The following PCDHA4 variants were observed in gnomAD, a reference collection of about 807,000 sequenced individuals.
PCDHA4 encodes protocadherin alpha-4.
A neutral mutation model predicts 61.4 loss-of-function variants in PCDHA4; 49 were observed. The observed-to-expected ratio is 0.80, with a 90% confidence interval of 0.63 to 1.01. The LOEUF is 1.01. PCDHA4 is among the 50% of genes least tolerant of loss of function. The pLI, the probability that PCDHA4 is intolerant of heterozygous loss-of-function variation, is 0.00. For missense variants in PCDHA4, 1,254 were observed against 1,235.8 expected, an observed-to-expected ratio of 1.01 and a Z score of -0.22; for synonymous variants, 590 against 550.3, an observed-to-expected ratio of 1.07 and a Z score of -1.01.
intron 3 of PCDHA4, among the ~76,000 whole-genome samples, chr5:141,000,351 GTCTC>G (rs1554257240): frequency 3.0e-5 from 2 of 66,862 alleles, no homozygotes. Flanking sequence ...CTCTCTCTCT[GTCTC>G]TCTCTGTCTC....
At chr5:140,857,833 A>C (rs1554150723) in intron 1 of PCDHA4, 1 of 1,597,676 alleles carries the variant, frequency 6.3e-7, no homozygotes. Context: ...AGGTGCGCGC[A>C]GTGGACGCTG....
chr5:140,983,113 A>G (rs2097027812), intron 3 of PCDHA4, among the ~76,000 whole-genome samples: 2 of 152,254 alleles, frequency 1.3e-5, no homozygotes, highest in Admixed American at 6.5e-5. Context: ...CTGCACATCA[A>G]CAACATTCTG....
chr5:140,911,729 C>T (rs571299791), intron 1 of PCDHA4, among the ~76,000 whole-genome samples: 16 of 152,252 alleles, frequency 1.1e-4, no homozygotes, highest in South Asian at 4.2e-4. Flanking sequence ...GTAAACAGTT[C>T]GTGCCAAGGA....
At chr5:140,883,121 G>C in intron 1 of PCDHA4, 12 of 1,614,070 alleles carry the variant, frequency 7.4e-6, no homozygotes, top group Non-Finnish European at 1.0e-5. Context: ...TAGAAGGCCT[G>C]TATGGCCTGC....
At chr5:140,858,485 T>G (rs2045446148) in intron 1 of PCDHA4, 1 of 1,503,010 alleles carries the variant, frequency 6.7e-7, no homozygotes, top group Non-Finnish European at 9.1e-7. Flanking sequence ...GAATAATATT[T>G]TCTCTTACCG....
intron 1 of PCDHA4, among the ~76,000 whole-genome samples, chr5:140,846,281 T>G (rs1780295705): frequency 6.7e-6 from 1 of 149,458 alleles, no homozygotes; most frequent in Non-Finnish European, 1.5e-5. Context: ...CAATTTATGT[T>G]GTAGTTCTAT....
chr5:140,891,345 G>T (rs2063056241), intron 1 of PCDHA4, among the ~76,000 whole-genome samples: 1 of 151,958 alleles, frequency 6.6e-6, no homozygotes, highest in Admixed American at 6.6e-5. Context: ...AGATTTTGGT[G>T]CATCCATCAC....
At chr5:140,947,854 A>G (rs2094183959) in intron 1 of PCDHA4, among the ~76,000 whole-genome samples, 1 of 151,504 alleles carries the variant, frequency 6.6e-6, no homozygotes, top group Non-Finnish European at 1.5e-5. Context: ...TTATTTTGTC[A>G]TTATAATGGC....
chr5:140,921,715 G>A (rs1313930887), intron 1 of PCDHA4, among the ~76,000 whole-genome samples: 9 of 152,080 alleles, frequency 5.9e-5, no homozygotes, highest in African/African-American at 1.7e-4. Flanking sequence ...GTAAACACAC[G>A]AATTACTCCC....
chr5:140,813,069 T>C (rs953340812), intron 1 of PCDHA4: 5 of 152,220 alleles, frequency 3.3e-5, no homozygotes, highest in African/African-American at 1.2e-4. Context: ...GTGTGATTTA[T>C]CCTGGAAAAT....
intron 1 of PCDHA4, chr5:140,829,463 C>G (rs1245659020): frequency 6.2e-7 from 1 of 1,613,756 alleles, no homozygotes; most frequent in Non-Finnish European, 8.5e-7. Context: ...GTTCGCGCAG[C>G]CCGAGTACAC....
intron 1 of PCDHA4, chr5:140,821,856 C>T: frequency 6.2e-7 from 1 of 1,614,160 alleles, no homozygotes; most frequent in Non-Finnish European, 8.5e-7. Flanking sequence ...AGGCAGGGAG[C>T]GGCCAGCTCC....
intron 1 of PCDHA4, among the ~76,000 whole-genome samples, chr5:140,962,145 G>A (rs1195781182): frequency 3.3e-5 from 5 of 152,074 alleles, no homozygotes; most frequent in Non-Finnish European, 7.4e-5. Flanking sequence ...AAAGTGCTGG[G>A]ATTACAGGCG....
At chr5:140,965,703 G>T (rs1280783019) in intron 1 of PCDHA4, among the ~76,000 whole-genome samples, 1 of 152,178 alleles carries the variant, frequency 6.6e-6, no homozygotes, top group Non-Finnish European at 1.5e-5. Flanking sequence ...GAAAAAGCTT[G>T]AGAGAAGAAT....
chr5:140,830,228 C>T (rs1346700283), intron 1 of PCDHA4: 15 of 1,613,800 alleles, frequency 9.3e-6, no homozygotes, highest in Non-Finnish European at 1.3e-5. Flanking sequence ...CCTGCTGGTC[C>T]TCACGCTACT....
chr5:140,991,310 C>T (rs1450251256), intron 3 of PCDHA4, among the ~76,000 whole-genome samples: 2 of 152,140 alleles, frequency 1.3e-5, no homozygotes, highest in Admixed American at 6.5e-5. Flanking sequence ...TATCTTGTCC[C>T]GCATGATACA....
intron 1 of PCDHA4, chr5:140,926,832 G>C: frequency 6.6e-7 from 1 of 1,505,338 alleles, no homozygotes; most frequent in Non-Finnish European, 8.9e-7. Context: ...GGAGTCCGGA[G>C]CATGGTCCTG....
At chr5:140,818,198 T>G (rs2150100405) in intron 1 of PCDHA4, among the ~76,000 whole-genome samples, 49 of 152,344 alleles carry the variant, frequency 3.2e-4, no homozygotes, top group Non-Finnish European at 6.5e-4. Flanking sequence ...TATAAGTACA[T>G]GTATGTTAAA....
At chr5:140,903,563 T>G (rs1459855021) in intron 1 of PCDHA4, among the ~76,000 whole-genome samples, 1 of 152,208 alleles carries the variant, frequency 6.6e-6, no homozygotes, top group African/African-American at 2.4e-5. Context: ...ATAAGTGGAA[T>G]TGGGAGCTGT....
Sources: gnomAD v4.1 joint callset for allele counts (sites outside exome capture counted in the v4.1 genomes callset) on GRCh38, gnomAD v4.1.1 for gene constraint, MANE v1.5 for transcripts, NCBI Gene and HGNC (gene_info 2026-07-23, HGNC 2026-07-21) for gene names.